WIPF3: variants seen among roughly 807,000 people sequenced by gnomAD.
The protein encoded by WIPF3 is WAS/WASL interacting protein family member 3, also known as WAS/WASL-interacting protein family member 3.
WIPF3 carries 33 observed loss-of-function variants against 38.9 expected under a neutral mutation model. The ratio of observed to expected loss-of-function variants is 0.85; its 90% CI spans 0.64 to 1.14. WIPF3 has a LOEUF of 1.14. Ranked by LOEUF, WIPF3 falls within the 50% of genes most tolerant of loss-of-function variation. WIPF3 has a pLI of 0.00. For synonymous variants in WIPF3, 324 were observed against 269.3 expected, an observed-to-expected ratio of 1.20 and a Z score of -1.99; for missense variants, 711 against 652.5, an observed-to-expected ratio of 1.09 and a Z score of -0.98.
At chr7:29,909,564 T>A (rs540974631) in intron 8 of WIPF3, among the ~76,000 whole-genome samples, 1 of 152,228 alleles carries the variant, frequency 6.6e-6, no homozygotes, top group Admixed American at 6.5e-5. Flanking sequence ...TGGACACATT[T>A]CTAAAAACAC....
At chr7:29,864,313 G>C (rs1785350160) in intron 2 of WIPF3, among the ~76,000 whole-genome samples, 4 of 152,048 alleles carry the variant, frequency 2.6e-5, no homozygotes, top group Admixed American at 2.6e-4. Flanking sequence ...TATTAATATG[G>C]TGGATTTTAT....
At chr7:29,895,636 T>A (rs1416640091) in intron 7 of WIPF3, among the ~76,000 whole-genome samples, 4 of 152,342 alleles carry the variant, frequency 2.6e-5, no homozygotes, top group Non-Finnish European at 5.9e-5. Flanking sequence ...ACAGGAAGCA[T>A]AATGCCAGCA....
chr7:29,913,634 C>G (rs1439561091), intron 8 of WIPF3, among the ~76,000 whole-genome samples: 1 of 152,148 alleles, frequency 6.6e-6, no homozygotes, highest in East Asian at 1.9e-4. Flanking sequence ...CTTTTAATAA[C>G]CCTGTGATGG....
intron 8 of WIPF3, chr7:29,912,620 T>C (rs1437138692): frequency 1.9e-5 from 4 of 211,582 alleles, no homozygotes; most frequent in African/African-American, 9.2e-5. Flanking sequence ...CTTGGCACAT[T>C]ACCTGTCTGA....
intron 7 of WIPF3, among the ~76,000 whole-genome samples, chr7:29,899,593 C>A (rs1786230056): frequency 6.6e-6 from 1 of 152,132 alleles, no homozygotes; most frequent in Admixed American, 6.5e-5. Flanking sequence ...CATTGCTGAA[C>A]CATTTACATA....
At chr7:29,913,697 A>G (rs2128082515) in intron 8 of WIPF3, among the ~76,000 whole-genome samples, 1 of 152,344 alleles carries the variant, frequency 6.6e-6, no homozygotes. Context: ...AACTTTCTAG[A>G]AATTTGAAGA....
chr7:29,836,949 C>G (rs1302358101), intron 2 of WIPF3, among the ~76,000 whole-genome samples: 1 of 152,016 alleles, frequency 6.6e-6, no homozygotes, highest in Non-Finnish European at 1.5e-5. Context: ...CAACATCGCA[C>G]CACTGCACTC....
At chr7:29,853,513 G>A (rs1264299486) in intron 2 of WIPF3, among the ~76,000 whole-genome samples, 3 of 152,198 alleles carry the variant, frequency 2.0e-5, no homozygotes, top group African/African-American at 7.2e-5. Context: ...AAAGCCCCAG[G>A]GCAGTCAGTA....
chr7:29,914,390 A>C, intron 8 of WIPF3, 103 bp from the exon 9 acceptor site: 1 of 937,210 alleles, frequency 1.1e-6, no homozygotes, highest in East Asian at 3.0e-5. Flanking sequence ...TGCATGAATG[A>C]GAAGCTTCGG....
At chr7:29,817,790 C>T (rs1012779917) in intron 1 of WIPF3, among the ~76,000 whole-genome samples, 5 of 151,994 alleles carry the variant, frequency 3.3e-5, no homozygotes, top group Middle Eastern at 3.4e-3. Flanking sequence ...TTTATTTTTC[C>T]ATGTAAACTT....
intron 4 of WIPF3, among the ~76,000 whole-genome samples, chr7:29,882,210 AC>A (rs1208461960): frequency 2.6e-4 from 40 of 152,232 alleles, no homozygotes; most frequent in African/African-American, 9.6e-4. Context: ...GTCCTCAGTT[AC>A]TTAAAAGGTT....
At chr7:29,808,690 A>AGTGTGTGT (rs59634993) in intron 1 of WIPF3, among the ~76,000 whole-genome samples, 7 of 150,478 alleles carry the variant, frequency 4.7e-5, no homozygotes, top group African/African-American at 1.5e-4. Flanking sequence ...GAATGGAGGA[A>AGTGTGTGT]GTGTGTGTGT....
chr7:29,821,245 A>G (rs1288726443), intron 1 of WIPF3, among the ~76,000 whole-genome samples: 1 of 152,202 alleles, frequency 6.6e-6, no homozygotes, highest in Non-Finnish European at 1.5e-5. Context: ...CTCCAAAACT[A>G]TATGATTTTC....
chr7:29,861,734 G>A (rs187061443), intron 2 of WIPF3, among the ~76,000 whole-genome samples: 1 of 152,290 alleles, frequency 6.6e-6, no homozygotes, highest in African/African-American at 2.4e-5. Flanking sequence ...AGGGTCACTG[G>A]GCTTATGTGG....
intron 7 of WIPF3, among the ~76,000 whole-genome samples, chr7:29,894,208 A>C (rs935473059): frequency 6.6e-6 from 1 of 152,120 alleles, no homozygotes; most frequent in East Asian, 1.9e-4. Context: ...AGTCAGTGCT[A>C]ATCTACAGCT....
intron 1 of WIPF3, among the ~76,000 whole-genome samples, chr7:29,831,290 C>G (rs547334894): frequency 2.0e-5 from 3 of 152,166 alleles, no homozygotes. Context: ...ACTCCTAGTG[C>G]CGTTGGCCAT....
At chr7:29,820,780 A>T (rs1784522629) in intron 1 of WIPF3, among the ~76,000 whole-genome samples, 1 of 152,198 alleles carries the variant, frequency 6.6e-6, no homozygotes, top group Non-Finnish European at 1.5e-5. Context: ...TCCTGTGAGA[A>T]ATAGACGTGA....
intron 8 of WIPF3, among the ~76,000 whole-genome samples, chr7:29,913,647 G>C (rs1341934181): frequency 6.6e-6 from 1 of 152,190 alleles, no homozygotes; most frequent in Non-Finnish European, 1.5e-5. Flanking sequence ...TGTGATGGAA[G>C]CTGGAGAGAT....
intron 1 of WIPF3, among the ~76,000 whole-genome samples, chr7:29,806,881 C>T (rs1784288784): frequency 6.6e-6 from 1 of 151,340 alleles, no homozygotes; most frequent in African/African-American, 2.4e-5. Flanking sequence ...GCGCTCACGC[C>T]CCCCACCCGC....
Sources: allele counts gnomAD v4.1 joint callset (sites outside exome capture counted in the v4.1 genomes callset), GRCh38; gene constraint gnomAD v4.1.1; transcripts MANE v1.5; gene names NCBI Gene and HGNC (gene_info 2026-07-23, HGNC 2026-07-21).